BPHL: variants seen among roughly 807,000 people sequenced by gnomAD.
BPHL encodes serine hydrolase BPHL.
In BPHL, 27 loss-of-function variants were observed where a neutral mutation model predicts 31.2. That is an observed-to-expected ratio of 0.87 (90% CI 0.64 to 1.19). The LOEUF is 1.19. Ranked by LOEUF, BPHL falls within the 50% of genes most tolerant of loss-of-function variation. The probability of loss-of-function intolerance (pLI) is 0.00; values close to 1 mark genes in which losing one functional copy is unlikely to be tolerated. For missense variants in BPHL, 356 were observed against 375.7 expected, an observed-to-expected ratio of 0.95 and a Z score of 0.43; for synonymous variants, 150 against 146.8, an observed-to-expected ratio of 1.02 and a Z score of -0.16.
intron 4 of BPHL, among the ~76,000 whole-genome samples, chr6:3,135,367 C>T (rs1423018849): frequency 1.3e-5 from 2 of 152,210 alleles, no homozygotes; most frequent in East Asian, 1.9e-4. Context: ...GAGAAGTTTC[C>T]TGTCCGTCTA....
At chr6:3,143,229 C>G (rs1244497155) in intron 6 of BPHL, among the ~76,000 whole-genome samples, 1 of 152,070 alleles carries the variant, frequency 6.6e-6, no homozygotes, top group East Asian at 1.9e-4. Context: ...GAAAAACAAA[C>G]AAACAAACAA....
At chr6:3,144,989 G>T (rs1012029721) in intron 6 of BPHL, among the ~76,000 whole-genome samples, 2 of 152,202 alleles carry the variant, frequency 1.3e-5, no homozygotes, top group African/African-American at 4.8e-5. Context: ...GGAGGGAGAG[G>T]GGTTAAGAGC....
At chr6:3,121,759 C>A (rs1392379008) in intron 1 of BPHL, among the ~76,000 whole-genome samples, 1 of 152,226 alleles carries the variant, frequency 6.6e-6, no homozygotes, top group East Asian at 1.9e-4. Flanking sequence ...AGATAAGGAG[C>A]TTATAGTTTA....
At chr6:3,132,413 C>T (rs565882171) in intron 4 of BPHL, among the ~76,000 whole-genome samples, 1 of 152,296 alleles carries the variant, frequency 6.6e-6, no homozygotes, top group East Asian at 1.9e-4. Flanking sequence ...TGGGGTCCTC[C>T]AGGCGTCACC....
At chr6:3,133,033 A>G (rs1459212801) in intron 4 of BPHL, among the ~76,000 whole-genome samples, 1 of 152,124 alleles carries the variant, frequency 6.6e-6, no homozygotes, top group East Asian at 1.9e-4. Context: ...TGTCATTATA[A>G]ATAATACTCT....
At position 3,149,816 on chromosome 6, in the gene BPHL, A is replaced by G. The variant is rs1337947836; in HGVS notation, c.789-2672A>G. Among the ~76,000 whole-genome samples, 1 of 151,970 alleles carries G rather than the reference A, an allele frequency of 6.6e-6. No homozygotes were observed. The highest frequency in any genetic ancestry group is 1.5e-5 in the Non-Finnish European group (1 of 67,998). On this transcript the variant is annotated intron_variant, in intron 6 of 6. Transcript: ENST00000380379. This position sits in a 1 kb window ranked among gnomAD's most constrained non-coding sequence, Gnocchi z 4.6. ...GCTAATTTTTGTGTTTTTGGTAGAG[A>G]TGGAGTTTCACCACATTGACCAGGC...
At chr6:3,127,504 A>G in intron 3 of BPHL, 96 bp downstream of exon 3, 1 of 1,115,566 alleles carries the variant, frequency 9.0e-7, no homozygotes, top group South Asian at 2.5e-5. Context: ...TCTACAAAAT[A>G]ATACCATGTG....
At chr6:3,152,047 A>G (rs911463720) in intron 6 of BPHL, among the ~76,000 whole-genome samples, 1 of 152,234 alleles carries the variant, frequency 6.6e-6, no homozygotes, top group Non-Finnish European at 1.5e-5. Context: ...CACTACATCA[A>G]CACGCCAAGA....
Position 3,153,135 on chromosome 6 carries a change from T to C in BPHL, c.*560T>C, listed in dbSNP as rs1762570730. On this transcript the variant is annotated 3_prime_UTR_variant, in exon 7 of 7. Coordinates refer to ENST00000380379, the MANE Select transcript of BPHL (RefSeq NM_004332.4). ...TCTAAGATGAAGTTGTGACAAGTTA[T>C]ACCATTGTCTTAACAGGTGAATTCC... 6.6e-6 allele frequency: 1 copy of C among 152,426 alleles called. No homozygotes were observed. The highest frequency in any genetic ancestry group is 2.1e-4 in the South Asian group (1 of 4,838). 9.4% of individuals were successfully genotyped at this position (152,426 alleles called of 1,614,324 possible). A position where few individuals can be genotyped will look rare whatever the true frequency, so the allele number is the denominator to read the frequency against.
chr6:3,147,908 T>C (rs914972178), intron 6 of BPHL, among the ~76,000 whole-genome samples: 6 of 152,212 alleles, frequency 3.9e-5, no homozygotes, highest in African/African-American at 1.4e-4. Flanking sequence ...AAAGCCAATA[T>C]CGCAGACTGA....
chr6:3,140,478 G>C lies in BPHL; in HGVS notation c.757G>C (p.Asp253His). 6.2e-7 allele frequency: 1 copy of C among 1,614,022 alleles called. No individual in the cohort carries two copies. Among genetic ancestry groups the C allele is most frequent in the East Asian group, 2.2e-5 (1 of 44,886 alleles). The change falls in exon 6 of 7, where the codon GAC becomes CAC. Residue 253 changes from aspartate (D) to histidine (H), a missense_variant. Coordinates refer to ENST00000380379, the MANE Select transcript of BPHL (RefSeq NM_004332.4). The surrounding 1 kb of genome is among the most constrained non-coding windows in gnomAD (Gnocchi z 5.2). ...TCCTCTGGTCCCACGGTTTCATGCC[G>C]ACTTCATTCATAAGCACGTGAAAGG... ...KDPLVPRFHA[D>H]FIHKHVKGSR...
chr6:3,151,033 T>C (rs1762508282), intron 6 of BPHL, among the ~76,000 whole-genome samples: 1 of 152,074 alleles, frequency 6.6e-6, no homozygotes, highest in African/African-American at 2.4e-5. Context: ...CACAGCGAGG[T>C]TCTCCTTCCT....
intron 6 of BPHL, among the ~76,000 whole-genome samples, chr6:3,148,421 A>C (rs1057240647): frequency 6.6e-6 from 1 of 152,374 alleles, no homozygotes; most frequent in East Asian, 1.9e-4. Context: ...GAATTGGCTT[A>C]GGTGGAAAAG....
At chr6:3,145,601 A>G (rs1411633410) in intron 6 of BPHL, among the ~76,000 whole-genome samples, 4 of 29,234 alleles carry the variant, frequency 1.4e-4, no homozygotes, top group African/African-American at 5.2e-4. Context: ...TTTGGGTCGG[A>G]GTGCTGGTTT....
At chr6:3,126,755 C>CTTT (rs574990872) in intron 2 of BPHL, 15 of 128,166 alleles carry the variant, frequency 1.2e-4, no homozygotes, top group African/African-American at 3.7e-4. Flanking sequence ...CGCCCGGCCC[C>CTTT]TTTTTTTTTT....
rs964730621 is a variant in BPHL at position 3,119,227 on chromosome 6, T to A, written c.107+380T>A. The A allele has an allele frequency of 2.9e-5, 43 of 1,458,964 alleles. 1 individual carries two copies. The East Asian group carries it at 1.0e-3, about 35-fold the overall frequency. 90.4% of individuals were successfully genotyped at this position (1,458,964 alleles called of 1,614,324 possible). On this transcript the variant is annotated intron_variant, in intron 1 of 6. Coordinates refer to ENST00000380379, the MANE Select transcript of BPHL (RefSeq NM_004332.4). Reference sequence around the variant, plus strand: ...CAACGCCCTCATTAGTCCATTGCTCTGTCCAGAGTCCACACTAAGGGCATA... The same window carrying A: ...CAACGCCCTCATTAGTCCATTGCTCAGTCCAGAGTCCACACTAAGGGCATA...
intron 2 of BPHL, among the ~76,000 whole-genome samples, chr6:3,125,723 G>T (rs1761693395): frequency 6.6e-6 from 1 of 152,176 alleles, no homozygotes. Context: ...GCAGATGTGG[G>T]CTGGAGATCT....
chr6:3,127,120 A>G (rs1486895643), intron 2 of BPHL, 122 bp from the exon 3 acceptor site: 2 of 630,804 alleles, frequency 3.2e-6, no homozygotes, highest in Non-Finnish European at 5.1e-6. Context: ...TTTCCTGATT[A>G]CATTCTGACC....
chr6:3,147,561 A>C lies in BPHL; in HGVS notation c.789-4927A>C, dbSNP rs541623973. On this transcript the variant is annotated intron_variant, in intron 6 of 6. Coordinates refer to ENST00000380379, the MANE Select transcript of BPHL (RefSeq NM_004332.4). ...GGATGCTCCCGCCTCAGCCTCCTGA[A>C]TAGCTAAGACAACACCATTATTAGT... Among the ~76,000 whole-genome samples, 117 of 152,268 alleles carry C rather than the reference A, an allele frequency of 7.7e-4. 4 individuals are homozygous for C. The South Asian group carries it at 0.023, about 31-fold the overall frequency.
Sources: gnomAD v4.1 joint callset for allele counts (sites outside exome capture counted in the v4.1 genomes callset) on GRCh38, gnomAD v4.1.1 for gene constraint, Gnocchi (gnomAD v3.1) non-coding constraint, MANE v1.5 for transcripts, NCBI Gene and HGNC (gene_info 2026-07-23, HGNC 2026-07-21) for gene names.